The following ABCB5 variants were observed in gnomAD, a reference collection of about 807,000 sequenced individuals.
The protein encoded by ABCB5 is ATP binding cassette subfamily B member 5, also known as ATP-binding cassette sub-family B member 5.
A neutral mutation model predicts 144.2 loss-of-function variants in ABCB5; 155 were observed. That is an observed-to-expected ratio of 1.08 (90% CI 0.94 to 1.23). The LOEUF (loss-of-function observed/expected upper bound fraction) is 1.23. Ranked by LOEUF, ABCB5 falls within the 50% of genes most tolerant of loss-of-function variation. The probability of loss-of-function intolerance (pLI) is 0.00; values close to 1 mark genes in which losing one functional copy is unlikely to be tolerated. For synonymous variants in ABCB5, 610 were observed against 528.6 expected (o/e 1.15, Z -2.11); for missense variants, 1,830 against 1,520.8 (o/e 1.20, Z -3.38).
chr7:20,666,889 G>A, intron 14 of ABCB5: 1 of 1,333,348 alleles, frequency 7.5e-7, no homozygotes, highest in Non-Finnish European at 9.7e-7. Context: ...GACAGCATCA[G>A]CTCAAATTTT....
In ABCB5 at chr7:20,726,358, C is replaced by CTTTTTTTT. The variant is rs1172285058; in HGVS notation, c.2626-665_2626-658dup. On this transcript the variant is annotated intron_variant, in intron 21 of 27. Transcript: ENST00000404938. ...TATGTGATTACTTTATCTCTGCTAT[C>CTTTTTTTT]TTTTTTTTTTTTTTTTTTTTTTTTG... Among the ~76,000 whole-genome samples the CTTTTTTTT allele has an allele frequency of 2.2e-3, 171 of 78,442 alleles. 12 individuals are homozygous for CTTTTTTTT. Among genetic ancestry groups the CTTTTTTTT allele is most frequent in the African/African-American group, 3.5e-3 (67 of 19,018 alleles). 51.5% of individuals were successfully genotyped at this position (78,442 alleles called of 152,430 possible).
chr7:20,683,916 C>T (rs1785906709), intron 15 of ABCB5, among the ~76,000 whole-genome samples: 1 of 111,642 alleles, frequency 9.0e-6, no homozygotes, highest in African/African-American at 3.5e-5. Flanking sequence ...AGCAATATAG[C>T]AATGTGGTTA....
intron 14 of ABCB5, chr7:20,659,594 GATAA>G (rs749536889): frequency 1.6e-5 from 16 of 993,036 alleles, no homozygotes; most frequent in Non-Finnish European, 1.9e-5. Context: ...TTGCTTGTGT[GATAA>G]ATAATCTTTG....
intron 13 of ABCB5, among the ~76,000 whole-genome samples, chr7:20,655,609 C>T (rs891331937): frequency 5.3e-5 from 8 of 151,886 alleles, no homozygotes; most frequent in Non-Finnish European, 7.4e-5. Flanking sequence ...TAATGAAAGA[C>T]GTGCAAGTCT....
intron 14 of ABCB5, chr7:20,666,790 T>C (rs775707882): frequency 3.8e-6 from 6 of 1,595,688 alleles, no homozygotes; most frequent in Non-Finnish European, 4.3e-6. Flanking sequence ...GTATTGATAA[T>C]CTACCACACT....
Position 20,724,157 on chromosome 7 carries a change from G to A in ABCB5, c.2625+938G>A, listed in dbSNP as rs1174902601. On this transcript the variant is annotated intron_variant, in intron 21 of 27. Coordinates refer to ENST00000404938, the MANE Select transcript of ABCB5 (RefSeq NM_001163941.2). The stretch of plus-strand genomic sequence containing the variant: ...GGCTGCCTGTACTTGGATAGTCTTG[G>A]GTGGTAGGCAGTTCTTTTCCTTTTC... 2.0e-5 allele frequency among the ~76,000 whole-genome samples: 3 copies of A among 150,938 alleles called. No homozygotes were observed. The Admixed American group carries it at 2.0e-4, about 10-fold the overall frequency.
chr7:20,692,522 G>A (rs1185338451), intron 16 of ABCB5, among the ~76,000 whole-genome samples: 1 of 151,018 alleles, frequency 6.6e-6, no homozygotes, highest in Non-Finnish European at 1.5e-5. Flanking sequence ...AGTGATACTA[G>A]ATGGAAATCT....
chr7:20,634,936 G>A (rs1457012655), intron 5 of ABCB5, among the ~76,000 whole-genome samples: 1 of 151,980 alleles, frequency 6.6e-6, no homozygotes, highest in East Asian at 1.9e-4. Context: ...TTTCGGTTTT[G>A]TTGCATTTGT....
At chr7:20,692,994 G>A (rs1244422192) in intron 16 of ABCB5, among the ~76,000 whole-genome samples, 1 of 152,106 alleles carries the variant, frequency 6.6e-6, no homozygotes, top group Non-Finnish European at 1.5e-5. Flanking sequence ...AAACATAGAT[G>A]ACTTTAATAG....
chr7:20,727,594 G>T (rs1782076843), intron 22 of ABCB5, among the ~76,000 whole-genome samples: 1 of 152,064 alleles, frequency 6.6e-6, no homozygotes, highest in Non-Finnish European at 1.5e-5. Context: ...AATTAGCTGG[G>T]TGTGGTGGTG....
chr7:20,699,493 G>T (rs562154892), intron 17 of ABCB5, among the ~76,000 whole-genome samples: 2 of 152,280 alleles, frequency 1.3e-5, no homozygotes, highest in Non-Finnish European at 1.5e-5. Context: ...TTGAGGTCAA[G>T]AGCTTGAGAC....
chr7:20,735,239 T>A (rs147829767), intron 23 of ABCB5, among the ~76,000 whole-genome samples: 1 of 152,210 alleles, frequency 6.6e-6, no homozygotes, highest in Non-Finnish European at 1.5e-5. Flanking sequence ...GTTTCCTAGT[T>A]CTCTTAAAAA....
At chr7:20,739,285 C>T (rs1782488599) in intron 24 of ABCB5, 146 bp downstream of exon 24, 2 of 722,242 alleles carry the variant, frequency 2.8e-6, no homozygotes, top group Non-Finnish European at 4.0e-6. Context: ...CAAGATCATT[C>T]ATACCCCAAA....
chr7:20,695,903 A>G (rs938720390), intron 16 of ABCB5, among the ~76,000 whole-genome samples: 1 of 152,036 alleles, frequency 6.6e-6, no homozygotes, highest in Admixed American at 6.6e-5. Context: ...TTAAATCTAA[A>G]GAGACTGACA....
intron 26 of ABCB5, 55 bp from the exon 27 acceptor site, chr7:20,753,305 C>T: frequency 6.4e-7 from 1 of 1,554,500 alleles, no homozygotes; most frequent in Non-Finnish European, 8.7e-7. Flanking sequence ...CCACAGTTGC[C>T]ATGCTAATTT....
intron 22 of ABCB5, among the ~76,000 whole-genome samples, chr7:20,727,565 T>C (rs757216507): frequency 6.6e-6 from 1 of 152,056 alleles, no homozygotes; most frequent in Non-Finnish European, 1.5e-5. Flanking sequence ...TGAAACCCCA[T>C]CTCTACTAAA....
At chr7:20,659,282 C>T in intron 14 of ABCB5, 1 of 1,465,438 alleles carries the variant, frequency 6.8e-7, no homozygotes, top group Non-Finnish European at 9.0e-7. Context: ...GTATGAAAAA[C>T]CATTGAACAG....
intron 1 of ABCB5, among the ~76,000 whole-genome samples, chr7:20,617,566 T>G (rs187316724): frequency 6.6e-6 from 1 of 152,240 alleles, no homozygotes; most frequent in Non-Finnish European, 1.5e-5. Context: ...AGATACTATA[T>G]AGTCATGTTT....
At chr7:20,702,110 A>G (rs1786648321) in intron 19 of ABCB5, among the ~76,000 whole-genome samples, 1 of 152,232 alleles carries the variant, frequency 6.6e-6, no homozygotes, top group South Asian at 2.1e-4. Flanking sequence ...TATAAAATCC[A>G]TATTTTATGT....
Sources: allele counts gnomAD v4.1 joint callset (sites outside exome capture counted in the v4.1 genomes callset), GRCh38; gene constraint gnomAD v4.1.1; transcripts MANE v1.5; gene names NCBI Gene and HGNC (gene_info 2026-07-23, HGNC 2026-07-21).